NECAB2: variants seen among roughly 807,000 people sequenced by gnomAD.
NECAB2 encodes N-terminal EF-hand calcium-binding protein 2.
NECAB2 carries 68 observed loss-of-function variants against 51.9 expected under a neutral mutation model. The observed-to-expected ratio is 1.31, with a 90% CI of 1.08 to 1.60. NECAB2 has a LOEUF of 1.60. Among genes scored for constraint, NECAB2 ranks in the 40% most tolerant of loss-of-function variants. NECAB2 has a pLI of 0.00. For missense variants in NECAB2, 854 were observed against 490.3 expected, an observed-to-expected ratio of 1.74 and a Z score of -7.00; for synonymous variants, 329 against 203.5, an observed-to-expected ratio of 1.62 and a Z score of -5.25.
At chr16:83,983,950 C>T in intron 5 of NECAB2, among the ~76,000 whole-genome samples, 1 of 149,788 alleles carries the variant, frequency 6.7e-6, no homozygotes, top group East Asian at 2.0e-4. Context: ...TACTTTTAGT[C>T]AACTTTTTCA....
At chr16:83,973,918 T>G (rs1597195889) in intron 2 of NECAB2, among the ~76,000 whole-genome samples, 1 of 152,032 alleles carries the variant, frequency 6.6e-6, no homozygotes, top group Admixed American at 6.6e-5. Context: ...GCTTCCTGAG[T>G]GTGCAGCTCT....
At chr16:83,984,534 G>C (rs890561323) in intron 5 of NECAB2, among the ~76,000 whole-genome samples, 1 of 151,782 alleles carries the variant, frequency 6.6e-6, no homozygotes, top group Non-Finnish European at 1.5e-5. Context: ...ACCACCCTGG[G>C]CAACATAGTG....
chr16:84,002,325 G>A lies in NECAB2; in HGVS notation c.1140G>A (p.Trp380Ter). The A allele has an allele frequency of 6.2e-7, 1 of 1,613,938 alleles. No homozygotes were observed. The highest frequency in any genetic ancestry group is 8.5e-7 in the Non-Finnish European group (1 of 1,179,912). The change falls in exon 13 of 13, where the codon TGG (tryptophan) becomes TGA (stop). Residue 380 changes from tryptophan to a stop codon, truncating the protein, a stop_gained. Coordinates refer to ENST00000305202, the MANE Select transcript of NECAB2 (RefSeq NM_019065.3). LOFTEE classifies it high-confidence loss of function. ...ALSRILVPAA[W>*]CTVGRD ...GTGTCTCTCTCCTTTTAGCTGCTTG[G>A]TGCACGGTGGGACGGGACTGACAGC... is the stretch of plus-strand genomic sequence containing the variant.
chr16:83,971,408 C>T (rs549688988), intron 1 of NECAB2: 6 of 152,168 alleles, frequency 3.9e-5, no homozygotes, highest in African/African-American at 1.4e-4. Flanking sequence ...AAGCTGCCTT[C>T]GAGCCTCAGC....
chr16:83,999,361 G>T (rs1009819181), intron 10 of NECAB2, among the ~76,000 whole-genome samples: 5 of 152,218 alleles, frequency 3.3e-5, no homozygotes, highest in South Asian at 2.1e-4. Flanking sequence ...TAAGTGGGAG[G>T]CTCCAGGGTG....
At chr16:83,995,399 A>C (rs1032865225) in intron 8 of NECAB2, among the ~76,000 whole-genome samples, 2 of 152,076 alleles carry the variant, frequency 1.3e-5, no homozygotes, top group Non-Finnish European at 2.9e-5. Flanking sequence ...CAAGAAAATA[A>C]CCTGGAGCAT....
At chr16:83,975,052 G>A (rs2084391987) in intron 2 of NECAB2, among the ~76,000 whole-genome samples, 1 of 138,524 alleles carries the variant, frequency 7.2e-6, no homozygotes, top group Non-Finnish European at 1.5e-5. Flanking sequence ...GCAGGGATGA[G>A]AGCAGGTGTG....
At position 84,002,641 on chromosome 16, in the gene NECAB2, C is replaced by A. The variant is rs1481319446; in HGVS notation, c.*295C>A. 1.9e-6 allele frequency: 1 copy of A among 527,084 alleles called. No individual in the cohort carries two copies. Among genetic ancestry groups the A allele is most frequent in the East Asian group, 3.4e-5 (1 of 29,248 alleles). 32.7% of individuals were successfully genotyped at this position (527,084 alleles called of 1,614,324 possible). On this transcript the variant is annotated 3_prime_UTR_variant, in exon 13 of 13. Transcript: ENST00000305202. ...CTCCCCTACCCCTCACATGGCCACG[C>A]ATGACCCACACTGACCACACCCTGC...
In NECAB2 at chr16:83,980,808, T is replaced by C. The variant is rs1405219666; in HGVS notation, c.336-31T>C. 9.0e-6 allele frequency: 14 copies of C among 1,561,062 alleles called. No individual in the cohort carries two copies. The Admixed American group carries it at 2.7e-4, about 30-fold the overall frequency. On this transcript the variant is annotated intron_variant, in intron 3 of 12. Transcript: ENST00000305202. ...GGCCTGCTAACCCCCTCTCTGTCTC[T>C]GTCTGTCTCTGCCTCTGTCTGTCTC...
chr16:83,965,872 C>G (rs948501769), upstream of NECAB2: 1 of 1,612,942 alleles, frequency 6.2e-7, no homozygotes, highest in Non-Finnish European at 8.5e-7. Context: ...ACCCCTTCAC[C>G]TACCAGAGCA....
chr16:83,966,494 C>G (rs1252148710), upstream of NECAB2, among the ~76,000 whole-genome samples: 1 of 152,062 alleles, frequency 6.6e-6, no homozygotes. Context: ...GGATGGTGCC[C>G]CAAGTGTGGG....
At chr16:83,976,695 C>T (rs1287095346) in intron 2 of NECAB2, among the ~76,000 whole-genome samples, 1 of 127,856 alleles carries the variant, frequency 7.8e-6, no homozygotes, top group East Asian at 2.0e-4. Flanking sequence ...GAAATCTGAG[C>T]TGCGATGGGG....
At chr16:83,989,309 C>G (rs1178378123) in intron 5 of NECAB2, among the ~76,000 whole-genome samples, 5 of 152,224 alleles carry the variant, frequency 3.3e-5, no homozygotes, top group African/African-American at 1.2e-4. Flanking sequence ...CCCCAGCAGA[C>G]CCTGGTCTGG....
At chr16:83,997,852 A>T (rs1199491641) in intron 9 of NECAB2, among the ~76,000 whole-genome samples, 2 of 152,134 alleles carry the variant, frequency 1.3e-5, no homozygotes, top group Non-Finnish European at 2.9e-5. Context: ...GATCAGCCAG[A>T]CAGTGATGTG....
chr16:83,965,362 C>A, upstream of NECAB2: 1 of 1,571,430 alleles, frequency 6.4e-7, no homozygotes, highest in Non-Finnish European at 8.6e-7. Context: ...AGGCCCTGCC[C>A]TTCATCCACC....
chr16:83,992,384 G>GCC (rs200728906), intron 6 of NECAB2, among the ~76,000 whole-genome samples: 16 of 143,408 alleles, frequency 1.1e-4, no homozygotes, highest in African/African-American at 4.2e-4. Flanking sequence ...CCGTCCCCCC[G>GCC]CCCACCTCCA....
chr16:83,976,695 C>A (rs1287095346), intron 2 of NECAB2, among the ~76,000 whole-genome samples: 1 of 127,856 alleles, frequency 7.8e-6, no homozygotes, highest in Admixed American at 7.0e-5. Context: ...GAAATCTGAG[C>A]TGCGATGGGG....
At chr16:83,972,245 G>C in intron 2 of NECAB2, 70 bp downstream of exon 2, 2 of 1,608,312 alleles carry the variant, frequency 1.2e-6, no homozygotes, top group Middle Eastern at 1.7e-4. Context: ...GAAGGGATCA[G>C]GGATAGGAGA....
chr16:83,991,816 A>ATTTT (rs1222970973), intron 6 of NECAB2, among the ~76,000 whole-genome samples: 4 of 112,512 alleles, frequency 3.6e-5, no homozygotes, highest in African/African-American at 1.1e-4. Context: ...ACACCCAGCT[A>ATTTT]TTTTTTTTTT....
Sources: allele counts gnomAD v4.1 joint callset (sites outside exome capture counted in the v4.1 genomes callset), GRCh38; gene constraint gnomAD v4.1.1; transcripts MANE v1.5; gene names NCBI Gene and HGNC (gene_info 2026-07-23, HGNC 2026-07-21).